Variants in WDFY2 observed in about 807,000 individuals in gnomAD.
The protein encoded by WDFY2 is WD repeat and FYVE domain containing 2, also known as WD repeat and FYVE domain-containing protein 2.
In WDFY2, 36 loss-of-function variants were observed where a neutral mutation model predicts 56.4. That is an observed-to-expected ratio of 0.64 (90% CI 0.49 to 0.84). The LOEUF is 0.84. Ranked by LOEUF, WDFY2 falls within the 40% of genes least tolerant of loss-of-function variation. WDFY2 has a pLI of 0.00. For synonymous variants in WDFY2, 176 were observed against 183.7 expected (o/e 0.96, Z 0.34); for missense variants, 444 against 512.2 (o/e 0.87, Z 1.29).
At chr13:51,705,460 C>T (rs930093792) in intron 4 of WDFY2, among the ~76,000 whole-genome samples, 3 of 152,156 alleles carry the variant, frequency 2.0e-5, no homozygotes, top group Admixed American at 1.3e-4. Flanking sequence ...TATTTCCCTT[C>T]TCTCTTTTCC....
intron 7 of WDFY2, among the ~76,000 whole-genome samples, chr13:51,742,213 A>G (rs1377240727): frequency 3.9e-5 from 6 of 152,358 alleles, no homozygotes; most frequent in African/African-American, 1.4e-4. Flanking sequence ...TGACATTTTT[A>G]TAACTAGCTT....
chr13:51,608,020 T>C (rs977532878), intron 1 of WDFY2, among the ~76,000 whole-genome samples: 15 of 152,230 alleles, frequency 9.9e-5, no homozygotes, highest in African/African-American at 3.6e-4. Flanking sequence ...ATGCTGGAAG[T>C]CTTTAGAAGC....
At chr13:51,639,828 G>C (rs1196230990) in intron 1 of WDFY2, among the ~76,000 whole-genome samples, 3 of 152,132 alleles carry the variant, frequency 2.0e-5, no homozygotes, top group Non-Finnish European at 4.4e-5. Context: ...CATCTACTCT[G>C]CTAACTTCAA....
intron 4 of WDFY2, among the ~76,000 whole-genome samples, chr13:51,713,704 C>T (rs952887455): frequency 6.6e-6 from 1 of 151,872 alleles, no homozygotes; most frequent in Non-Finnish European, 1.5e-5. Flanking sequence ...AAAAATTAGC[C>T]TGCGTGGTGG....
intron 2 of WDFY2, among the ~76,000 whole-genome samples, chr13:51,663,686 G>A (rs1955654173): frequency 6.6e-6 from 1 of 152,150 alleles, no homozygotes; most frequent in Non-Finnish European, 1.5e-5. Flanking sequence ...ATAGATTTGA[G>A]TTTCCAAGGA....
At chr13:51,659,005 C>T (rs1201357447) in intron 1 of WDFY2, among the ~76,000 whole-genome samples, 1 of 152,144 alleles carries the variant, frequency 6.6e-6, no homozygotes, top group African/African-American at 2.4e-5. Flanking sequence ...TGGCTCAATG[C>T]AACCTCTCCC....
intron 8 of WDFY2, among the ~76,000 whole-genome samples, chr13:51,751,844 C>T (rs560633319): frequency 6.6e-6 from 1 of 152,282 alleles, no homozygotes; most frequent in South Asian, 2.1e-4. Flanking sequence ...TTATTTTGTA[C>T]TTTATAAGTC....
chr13:51,747,093 T>C (rs920191720), intron 7 of WDFY2, among the ~76,000 whole-genome samples: 1 of 152,264 alleles, frequency 6.6e-6, no homozygotes, highest in African/African-American at 2.4e-5. Context: ...ATAGTTCTTT[T>C]CCATGAAACT....
At chr13:51,666,906 A>G (rs770595556) in intron 2 of WDFY2, among the ~76,000 whole-genome samples, 13 of 152,214 alleles carry the variant, frequency 8.5e-5, no homozygotes, top group Non-Finnish European at 1.6e-4. Context: ...ATTAAATTCA[A>G]CTTCCAAAAA....
At chr13:51,641,464 T>A (rs780004259) in intron 1 of WDFY2, among the ~76,000 whole-genome samples, 1 of 151,860 alleles carries the variant, frequency 6.6e-6, no homozygotes, top group African/African-American at 2.4e-5. Flanking sequence ...CAAAGAAAAG[T>A]GGTTATAATC....
chr13:51,717,544 A>T lies in WDFY2; in HGVS notation c.335-1654A>T, dbSNP rs545986043. 1.1e-4 allele frequency among the ~76,000 whole-genome samples: 16 copies of T among 152,158 alleles called. No homozygotes were observed. In the South Asian group the frequency reaches 1.2e-3, roughly 12 times the overall value. On this transcript the variant is annotated intron_variant, in intron 4 of 11. Coordinates refer to ENST00000298125, the MANE Select transcript of WDFY2 (RefSeq NM_052950.4). Reference sequence around the variant, plus strand: ...TCGAATATGGTAGATAGAAGGCTAAAGGCCCCCTCAGTAAAAAGAGGGGTG... The same window carrying T: ...TCGAATATGGTAGATAGAAGGCTAATGGCCCCCTCAGTAAAAAGAGGGGTG...
chr13:51,719,100 T>C lies in WDFY2; in HGVS notation c.335-98T>C, dbSNP rs573410011. ...AATGGTTCTGCTGTTCAGCTTATTC[T>C]GGGGTGGGGAGAAGAGAATGGTGCA... On this transcript the variant is annotated intron_variant, in intron 4 of 11. Coordinates refer to ENST00000298125, the MANE Select transcript of WDFY2 (RefSeq NM_052950.4). 95 of 1,532,588 alleles carry C rather than the reference T, an allele frequency of 6.2e-5. No individual in the cohort carries two copies. The East Asian group carries it at 1.8e-3, about 30-fold the overall frequency. The allele number at this position is 1,532,588 out of a possible 1,614,324, so 94.9% of individuals were successfully genotyped here. A position where few individuals can be genotyped will look rare whatever the true frequency, so the allele number is the denominator to read the frequency against.
rs372418200 is a variant in WDFY2 at position 51,628,816 on chromosome 13, C to T, written c.138-31780C>T. Among the ~76,000 whole-genome samples, 31 of 152,316 alleles carry T rather than the reference C, an allele frequency of 2.0e-4. No homozygotes were observed. The South Asian group carries it at 2.3e-3, about 11-fold the overall frequency. On this transcript the variant is annotated intron_variant, in intron 1 of 11. Coordinates refer to ENST00000298125, the MANE Select transcript of WDFY2 (RefSeq NM_052950.4). ...GTGTCTAAAAAGGGCCTTAGAAACC[C>T]ATTGACCAGCATTTAAAAAATAGTG...
At chr13:51,645,728 T>C (rs2138414084) in intron 1 of WDFY2, among the ~76,000 whole-genome samples, 1 of 152,306 alleles carries the variant, frequency 6.6e-6, no homozygotes, top group African/African-American at 2.4e-5. Context: ...CTAAGGTCTT[T>C]GCAGATGTTT....
chr13:51,613,462 T>G (rs1954543888), intron 1 of WDFY2, among the ~76,000 whole-genome samples: 1 of 152,190 alleles, frequency 6.6e-6, no homozygotes. Flanking sequence ...GTAGAGTGGT[T>G]AAATAGTTCC....
chr13:51,629,996 A>G (rs1373842007), intron 1 of WDFY2, among the ~76,000 whole-genome samples: 1 of 152,078 alleles, frequency 6.6e-6, no homozygotes, highest in Non-Finnish European at 1.5e-5. Flanking sequence ...CTTTGATCTT[A>G]GTATAGTTAA....
rs191197414 is a variant in WDFY2 at position 51,668,585 on chromosome 13, A to C, written c.206-6585A>C. Among the ~76,000 whole-genome samples, 56 of 152,342 alleles carry C rather than the reference A, an allele frequency of 3.7e-4. 1 individual carries two copies. Among genetic ancestry groups the C allele is most frequent in the Middle Eastern group, 6.8e-3 (2 of 294 alleles). On this transcript the variant is annotated intron_variant, in intron 2 of 11. Transcript: ENST00000298125. ...TCTATTATAAGCAGGGCTGAATGAA[A>C]TAGTGTCCATGAATTAAATTTTTGC...
intron 4 of WDFY2, 89 bp downstream of exon 4, chr13:51,703,739 A>G (rs1023047425): frequency 9.0e-7 from 1 of 1,106,338 alleles, no homozygotes; most frequent in Non-Finnish European, 1.3e-6. Flanking sequence ...ATACTTTACA[A>G]TCATCAGGGA....
chr13:51,593,371 C>T (rs912936912), intron 1 of WDFY2, among the ~76,000 whole-genome samples: 2 of 152,092 alleles, frequency 1.3e-5, no homozygotes, highest in African/African-American at 4.8e-5. Flanking sequence ...TTATGATGAA[C>T]ATTTATAAAT....
Sources: gnomAD v4.1 joint callset for allele counts (sites outside exome capture counted in the v4.1 genomes callset) on GRCh38, gnomAD v4.1.1 for gene constraint, MANE v1.5 for transcripts, NCBI Gene and HGNC (gene_info 2026-07-23, HGNC 2026-07-21) for gene names.